PTK6: variants seen among roughly 807,000 people sequenced by gnomAD.
The protein encoded by PTK6 is protein-tyrosine kinase 6.
PTK6 carries 47 observed loss-of-function variants against 47.5 expected under a neutral mutation model. The observed-to-expected ratio is 0.99, with a 90% CI of 0.78 to 1.26. PTK6 has a LOEUF of 1.26. Among genes scored for constraint, PTK6 ranks in the 50% most tolerant of loss-of-function variants. The pLI, the probability that PTK6 is intolerant of heterozygous loss-of-function variation, is 0.00. For synonymous variants in PTK6, 287 were observed against 276.5 expected (o/e 1.04, Z -0.38); for missense variants, 618 against 625.3 (o/e 0.99, Z 0.12).
chr20:63,531,430 AAAAAAAAATAT>A lies in PTK6; in HGVS notation c.833-514_833-504del, dbSNP rs1191415795. On this transcript the variant is annotated intron_variant, in intron 5 of 7. Coordinates refer to ENST00000542869, the MANE Select transcript of PTK6 (RefSeq NM_005975.4). ...AGCCAGACTCCGTCTCAAAAAAAAA[AAAAAAAAATAT>A]ATATATATATATATATATATATAAT... Among the ~76,000 whole-genome samples, 6 of 116,256 alleles carry A rather than the reference AAAAAAAAATAT, an allele frequency of 5.2e-5. No homozygotes were observed. The East Asian group carries it at 1.3e-3, about 26-fold the overall frequency. 76.3% of individuals were successfully genotyped at this position (116,256 alleles called of 152,430 possible).
Position 63,533,146 on chromosome 20 carries a change from C to T in PTK6, c.670+405G>A, listed in dbSNP as rs2082638347. Among the ~76,000 whole-genome samples, 1 of 151,820 alleles carries T rather than the reference C, an allele frequency of 6.6e-6. No homozygotes were observed. On this transcript the variant is annotated intron_variant, in intron 4 of 7. Coordinates refer to ENST00000542869, the MANE Select transcript of PTK6 (RefSeq NM_005975.4). The surrounding 1 kb of genome is among the most constrained non-coding windows in gnomAD (Gnocchi z 4.0). ...GCAATGGCGCGATCTCAGCTCACTG[C>T]AATCTCCGCCTCCTGGGTTGAAGCG...
chr20:63,536,447 G>A (rs2082668250), intron 1 of PTK6, among the ~76,000 whole-genome samples: 1 of 150,382 alleles, frequency 6.6e-6, no homozygotes, highest in African/African-American at 2.5e-5. Context: ...ACCCTACACA[G>A]CCTGTGACTC....
intron 1 of PTK6, among the ~76,000 whole-genome samples, chr20:63,536,324 C>T (rs1301600632): frequency 1.4e-5 from 2 of 146,242 alleles, no homozygotes; most frequent in Non-Finnish European, 3.0e-5. Context: ...TGCGCGTGAC[C>T]CTGCTAACGA....
At chr20:63,531,055 G>C (rs537719734) in intron 5 of PTK6, 128 bp from the exon 6 acceptor site, 2 of 874,574 alleles carry the variant, frequency 2.3e-6, no homozygotes, top group South Asian at 3.9e-5. Context: ...CCGGGGCAAA[G>C]GGCAGCTGGC....
rs1449431648 is a variant in PTK6, at chr20:63,528,911, A to G, written c.*625T>C. The G allele has an allele frequency of 6.6e-6, 1 of 152,160 alleles. No individual in the cohort carries two copies. The highest frequency in any genetic ancestry group is 1.5e-5 in the Non-Finnish European group (1 of 68,076). The allele number at this position is 152,160 out of a possible 1,614,324, so 9.4% of individuals were successfully genotyped here. ...GAGTGAGGGGCGCTTTCCAGCACTG[A>G]CCCAGCGACAAAGGTGAAGGTGGGA... On this transcript the variant is annotated 3_prime_UTR_variant, in exon 8 of 8. Coordinates refer to ENST00000542869, the MANE Select transcript of PTK6 (RefSeq NM_005975.4).
chr20:63,529,751 G>A lies in PTK6; in HGVS notation c.1169-28C>T, dbSNP rs2082603516. The A allele has an allele frequency of 2.2e-5, 34 of 1,517,588 alleles. No individual in the cohort carries two copies. The highest frequency in any genetic ancestry group is 3.0e-5 in the Non-Finnish European group (34 of 1,133,534). 94.0% of individuals were successfully genotyped at this position (1,517,588 alleles called of 1,614,324 possible). On this transcript the variant is annotated intron_variant, in intron 7 of 7. Transcript: ENST00000542869. This position sits in a 1 kb window ranked among gnomAD's most constrained non-coding sequence, Gnocchi z 5.6. ...GCGGCCGACAGGGATGAGAAGAGCT[G>A]GGGCCCACCTGCCTACCCTCCCCCA... is the stretch of plus-strand genomic sequence containing the variant.
Position 63,534,263 on chromosome 20 carries a change from G to A in PTK6, c.405C>T (p.Gly135=). 6.2e-7 allele frequency: 1 copy of A among 1,608,700 alleles called. No homozygotes were observed. ...ACACCGCCTCGTTCAGGTGCAGCCG[G>A]CCCCCGGCACGCCGCCAGATCTTGT... is the stretch of plus-strand genomic sequence containing the variant. ...RHYKIWRRAG[G]RLHLNEAVSF... The change falls in exon 3 of 8, where the codon GGC becomes GGT. Residue 135 remains glycine, a synonymous_variant. Coordinates refer to ENST00000542869, the MANE Select transcript of PTK6 (RefSeq NM_005975.4).
intron 5 of PTK6, among the ~76,000 whole-genome samples, 171 bp from the exon 6 acceptor site, chr20:63,531,098 C>T (rs1417820423): frequency 2.0e-5 from 3 of 152,126 alleles, no homozygotes; most frequent in Non-Finnish European, 2.9e-5. Context: ...GGCCAGCTAC[C>T]GCCCTTCTGG....
Position 63,530,451 on chromosome 20 carries a change from C to T in PTK6, c.1015-220G>A, listed in dbSNP as rs552981723. 3.9e-5 allele frequency among the ~76,000 whole-genome samples: 6 copies of T among 152,330 alleles called. No homozygotes were observed. The highest frequency in any genetic ancestry group is 1.3e-4 in the Admixed American group (2 of 15,306). ...GCAGGTGTGTGGGGACCGGAGGGCC[C>T]GGGGGACAGGGAACTGGGAGGCTCC... On this transcript the variant is annotated intron_variant, in intron 6 of 7. Coordinates refer to ENST00000542869, the MANE Select transcript of PTK6 (RefSeq NM_005975.4). This position sits in a 1 kb window ranked among gnomAD's most constrained non-coding sequence, Gnocchi z 4.1.
chr20:63,534,005 C>T (rs1254571602), intron 3 of PTK6, 147 bp downstream of exon 3: 3 of 1,224,904 alleles, frequency 2.4e-6, no homozygotes, highest in Non-Finnish European at 3.3e-6. Context: ...CTGTGCTCTG[C>T]AGAACCATGG....
chr20:63,529,743 G>A lies in PTK6; in HGVS notation c.1169-20C>T. The A allele has an allele frequency of 6.5e-7, 1 of 1,528,966 alleles. No individual in the cohort carries two copies. Among genetic ancestry groups the A allele is most frequent in the Non-Finnish European group, 8.8e-7 (1 of 1,140,004 alleles). The allele number at this position is 1,528,966 out of a possible 1,614,324, so 94.7% of individuals were successfully genotyped here. On this transcript the variant is annotated intron_variant, in intron 7 of 7. Transcript: ENST00000542869. The surrounding 1 kb of genome is among the most constrained non-coding windows in gnomAD (Gnocchi z 5.6). ...ACATGCCTGCGGCCGACAGGGATGA[G>A]AAGAGCTGGGGCCCACCTGCCTACC... is the stretch of plus-strand genomic sequence containing the variant.
chr20:63,534,221 G>C lies in PTK6; in HGVS notation c.447C>G (p.Pro149=), dbSNP rs761259957. 2.5e-6 allele frequency: 4 copies of C among 1,597,340 alleles called. No individual in the cohort carries two copies. Among genetic ancestry groups the C allele is most frequent in the Non-Finnish European group, 3.4e-6 (4 of 1,173,266 alleles). ...GGGCCCTGTGGTAGTTCACAAGCTCGGGCAGGCTGAGGAAGGACACCGCCT... is the reference window on the plus strand; with the variant it reads ...GGGCCCTGTGGTAGTTCACAAGCTCCGGCAGGCTGAGGAAGGACACCGCCT... ...LNEAVSFLSL[P]ELVNYHRAQS... is the part of the protein sequence containing the mutation. The change falls in exon 3 of 8, where the codon CCC becomes CCG. Residue 149 remains proline (P), a synonymous_variant. Transcript: ENST00000542869.
In PTK6 at chr20:63,532,568, T is replaced by C. The variant is rs201712395; in HGVS notation, c.790A>G (p.Thr264Ala). ...VSVGDPVYII[T>A]ELMAKGSLLE... ...AGGCTGCCCTTGGCCATGAGCTCCGTGATGATGTACACGGGGTCCCCCACG... is the reference window on the plus strand; with the variant it reads ...AGGCTGCCCTTGGCCATGAGCTCCGCGATGATGTACACGGGGTCCCCCACG... Residue 264 changes from threonine (T) to alanine (A), a missense_variant, in exon 5 of 8, where the codon ACG becomes GCG. By Grantham distance (58) the Thr-to-Ala change is moderately conservative. Transcript: ENST00000542869. 6.8e-6 allele frequency: 11 copies of C among 1,613,822 alleles called. No homozygotes were observed. The highest frequency in any genetic ancestry group is 8.5e-6 in the Non-Finnish European group (10 of 1,179,866).
chr20:63,534,902 C>A, intron 2 of PTK6, 36 bp downstream of exon 2: 1 of 1,567,294 alleles, frequency 6.4e-7, no homozygotes, highest in Non-Finnish European at 8.7e-7. Context: ...CAGGAGCCCC[C>A]GCAGGCAAGC....
chr20:63,536,546 G>A (rs1316740215), intron 1 of PTK6, among the ~76,000 whole-genome samples: 1 of 151,960 alleles, frequency 6.6e-6, no homozygotes, highest in Non-Finnish European at 1.5e-5. Context: ...CCGGGCAGCT[G>A]TGGAAGCCAG....
Position 63,530,980 on chromosome 20 carries a change from G to A in PTK6, c.833-53C>T. ...GGGTCAGCTGAGCCAGCTGAGGTGG[G>A]GAAGGGTTGGGGAGGCTGGGCCATG... On this transcript the variant is annotated intron_variant, in intron 5 of 7. Coordinates refer to ENST00000542869, the MANE Select transcript of PTK6 (RefSeq NM_005975.4). The surrounding 1 kb of genome is among the most constrained non-coding windows in gnomAD (Gnocchi z 4.1). 6.8e-7 allele frequency: 1 copy of A among 1,480,830 alleles called. No individual in the cohort carries two copies. Among genetic ancestry groups the A allele is most frequent in the East Asian group, 2.5e-5 (1 of 40,704 alleles). The allele number at this position is 1,480,830 out of a possible 1,614,324, so 91.7% of individuals were successfully genotyped here.
intron 5 of PTK6, among the ~76,000 whole-genome samples, chr20:63,532,015 C>T (rs1170652356): frequency 6.6e-6 from 1 of 152,246 alleles, no homozygotes; most frequent in Non-Finnish European, 1.5e-5. Flanking sequence ...ATCCAAACTG[C>T]GCCTTCACGC....
chr20:63,529,837 A>G lies in PTK6; in HGVS notation c.1169-114T>C. The G allele has an allele frequency of 8.0e-7, 1 of 1,257,208 alleles. No homozygotes were observed. Among genetic ancestry groups the G allele is most frequent in the African/African-American group, 1.5e-5 (1 of 65,460 alleles). The allele number at this position is 1,257,208 out of a possible 1,614,324, so 77.9% of individuals were successfully genotyped here. A position where few individuals can be genotyped will look rare whatever the true frequency, so the allele number is the denominator to read the frequency against. On this transcript the variant is annotated intron_variant, in intron 7 of 7. Transcript: ENST00000542869. This position sits in a 1 kb window ranked among gnomAD's most constrained non-coding sequence, Gnocchi z 5.6. The stretch of plus-strand genomic sequence containing the variant: ...GGCCTTCCCCGCAGCCTCAGCTGCC[A>G]TGCCTTGGCGCCACCCAGCACACTG...
In PTK6 at chr20:63,530,287, A is replaced by C; in HGVS notation, c.1015-56T>G. On this transcript the variant is annotated intron_variant, in intron 6 of 7. Coordinates refer to ENST00000542869, the MANE Select transcript of PTK6 (RefSeq NM_005975.4). The surrounding 1 kb of genome is among the most constrained non-coding windows in gnomAD (Gnocchi z 4.1). ...GGGGGCTGCCTGTGCCCTGCCCCCG[A>C]AGCATGGACGGGCACAGCGGCCGCA... 1 of 1,596,534 alleles carries C rather than the reference A, an allele frequency of 6.3e-7. No individual in the cohort carries two copies. Among genetic ancestry groups the C allele is most frequent in the Non-Finnish European group, 8.6e-7 (1 of 1,167,674 alleles).
Sources: allele counts gnomAD v4.1 joint callset (sites outside exome capture counted in the v4.1 genomes callset), GRCh38; gene constraint gnomAD v4.1.1; non-coding constraint Gnocchi (gnomAD v3.1); transcripts MANE v1.5; gene names NCBI Gene and HGNC (gene_info 2026-07-23, HGNC 2026-07-21).